The following ZDHHC14 variants were observed in gnomAD, a reference collection of about 807,000 sequenced individuals.
ZDHHC14 encodes palmitoyltransferase ZDHHC14.
ZDHHC14 carries 16 observed loss-of-function variants against 47.7 expected under a neutral mutation model. The ratio of observed to expected loss-of-function variants is 0.34; its 90% CI spans 0.23 to 0.51. The LOEUF (loss-of-function observed/expected upper bound fraction) is 0.51. Ranked by LOEUF, ZDHHC14 falls within the 20% of genes least tolerant of loss-of-function variation. The probability of loss-of-function intolerance (pLI) is 0.97; values close to 1 mark genes in which losing one functional copy is unlikely to be tolerated. For missense variants in ZDHHC14, 515 were observed against 662.5 expected, an observed-to-expected ratio of 0.78 and a Z score of 2.44; for synonymous variants, 293 against 278.9, an observed-to-expected ratio of 1.05 and a Z score of -0.50.
intron 1 of ZDHHC14, among the ~76,000 whole-genome samples, chr6:157,476,083 G>A (rs1276577647): frequency 2.0e-5 from 3 of 151,992 alleles, no homozygotes; most frequent in African/African-American, 7.2e-5. Context: ...AAAGTTAATA[G>A]AAGGAAAGAA....
chr6:157,394,929 G>A (rs1183385799), intron 1 of ZDHHC14, among the ~76,000 whole-genome samples: 2 of 151,800 alleles, frequency 1.3e-5, no homozygotes, highest in African/African-American at 4.8e-5. Flanking sequence ...TTCAGAGTCA[G>A]CTCTTCCCAC....
intron 1 of ZDHHC14, among the ~76,000 whole-genome samples, chr6:157,448,329 A>G (rs545037053): frequency 5.3e-5 from 8 of 152,120 alleles, no homozygotes; most frequent in Non-Finnish European, 7.3e-5. Context: ...TTTCCTGTCT[A>G]GAGTGTGTGT....
intron 2 of ZDHHC14, among the ~76,000 whole-genome samples, chr6:157,557,345 G>T (rs1340806103): frequency 6.6e-6 from 1 of 152,170 alleles, no homozygotes; most frequent in Non-Finnish European, 1.5e-5. Context: ...GCTCTGGGAG[G>T]GTTCTGCCAG....
intron 1 of ZDHHC14, among the ~76,000 whole-genome samples, chr6:157,432,570 G>A (rs569193098): frequency 9.8e-5 from 15 of 152,320 alleles, no homozygotes; most frequent in African/African-American, 3.6e-4. Context: ...TTGCCTGGTA[G>A]CCTTCCAATA....
intron 1 of ZDHHC14, among the ~76,000 whole-genome samples, chr6:157,489,701 G>A (rs1212929893): frequency 1.3e-5 from 2 of 152,220 alleles, no homozygotes; most frequent in Non-Finnish European, 2.9e-5. Flanking sequence ...ACCGCAATGC[G>A]TGGCCTCTTA....
At chr6:157,454,498 CTTTTT>C (rs5881212) in intron 1 of ZDHHC14, among the ~76,000 whole-genome samples, 3 of 127,668 alleles carry the variant, frequency 2.3e-5, no homozygotes, top group Admixed American at 8.1e-5. Flanking sequence ...GCAGCTTCTT[CTTTTT>C]TTTTTTTTTT....
chr6:157,589,654 C>A (rs150602091), intron 2 of ZDHHC14, among the ~76,000 whole-genome samples: 1,644 of 152,250 alleles, frequency 0.011, 29 homozygotes, highest in African/African-American at 0.036. Flanking sequence ...GCCTCCCCAG[C>A]CCTTCAGAAC....
At chr6:157,588,038 TG>T in intron 2 of ZDHHC14, among the ~76,000 whole-genome samples, 1 of 152,278 alleles carries the variant, frequency 6.6e-6, no homozygotes, top group South Asian at 2.1e-4. Context: ...GCGGGCCACC[TG>T]AGGTCAGGAG....
chr6:157,606,683 A>G (rs1248461007), intron 3 of ZDHHC14, among the ~76,000 whole-genome samples: 1 of 152,140 alleles, frequency 6.6e-6, no homozygotes, highest in Non-Finnish European at 1.5e-5. Flanking sequence ...CCTGGTGCAG[A>G]AGTGCAGCTT....
intron 7 of ZDHHC14, among the ~76,000 whole-genome samples, chr6:157,650,023 C>T (rs1322245279): frequency 6.0e-5 from 9 of 148,808 alleles, no homozygotes; most frequent in African/African-American, 7.5e-5. Context: ...CTGTGCCAGG[C>T]GCTGGGGGTG....
intron 3 of ZDHHC14, among the ~76,000 whole-genome samples, chr6:157,593,863 G>A (rs918999341): frequency 6.6e-6 from 1 of 152,232 alleles, no homozygotes; most frequent in Non-Finnish European, 1.5e-5. Flanking sequence ...TCTCTCTGTG[G>A]CTGGAGCTGC....
chr6:157,479,224 A>G (rs937446527), intron 1 of ZDHHC14, among the ~76,000 whole-genome samples: 1 of 152,266 alleles, frequency 6.6e-6, no homozygotes, highest in African/African-American at 2.4e-5. Flanking sequence ...AAATGGGGAT[A>G]TAGTACTTAC....
intron 1 of ZDHHC14, among the ~76,000 whole-genome samples, chr6:157,413,723 G>A (rs1263655810): frequency 6.6e-6 from 1 of 151,756 alleles, no homozygotes; most frequent in Non-Finnish European, 1.5e-5. Flanking sequence ...TCTCCATGGA[G>A]CCTCAAAACT....
At chr6:157,605,417 T>C (rs1489984389) in intron 3 of ZDHHC14, among the ~76,000 whole-genome samples, 1 of 152,242 alleles carries the variant, frequency 6.6e-6, no homozygotes, top group Non-Finnish European at 1.5e-5. Context: ...CTAAGAGAGC[T>C]CTTCCATTTT....
intron 2 of ZDHHC14, among the ~76,000 whole-genome samples, chr6:157,570,828 T>TAC (rs1246026026): frequency 2.0e-5 from 3 of 151,806 alleles, no homozygotes; most frequent in South Asian, 2.1e-4. Context: ...TATATATATA[T>TAC]ATACACACAC....
rs540638158 is a variant in ZDHHC14 at position 157,412,411 on chromosome 6, G to C, written c.245+30145G>C. Among the ~76,000 whole-genome samples the C allele has an allele frequency of 9.9e-5, 15 of 152,164 alleles. No homozygotes were observed. The South Asian group carries it at 1.2e-3, about 13-fold the overall frequency. ...AGGTTCAAGTGGTTCTCCTGCCTCA[G>C]CCTCCCAACTAGCTGGGACTACAGG... On this transcript the variant is annotated intron_variant, in intron 1 of 8. Transcript: ENST00000359775.
intron 2 of ZDHHC14, among the ~76,000 whole-genome samples, chr6:157,548,212 C>G: frequency 6.6e-6 from 1 of 152,122 alleles, no homozygotes; most frequent in East Asian, 1.9e-4. Context: ...GAACATTTCC[C>G]CCAATTCATA....
chr6:157,567,538 G>A lies in ZDHHC14; in HGVS notation c.406+24793G>A, dbSNP rs149296896. 3.5e-3 allele frequency among the ~76,000 whole-genome samples: 537 copies of A among 152,228 alleles called. 21 individuals are homozygous for A. The East Asian group carries it at 0.082, about 23-fold the overall frequency. On this transcript the variant is annotated intron_variant, in intron 2 of 8. Transcript: ENST00000359775. ...TTGGTACATAAAAGTTGAACCCGCC[G>A]GGCGCCGTGGCTTTTGCCTGTAATC...
At chr6:157,607,679 G>A (rs1430894919) in intron 3 of ZDHHC14, among the ~76,000 whole-genome samples, 1 of 152,172 alleles carries the variant, frequency 6.6e-6, no homozygotes, top group Non-Finnish European at 1.5e-5. Context: ...CTTCATGGCT[G>A]TTTAAACGTT....
Sources: gnomAD v4.1 joint callset for allele counts (sites outside exome capture counted in the v4.1 genomes callset) on GRCh38, gnomAD v4.1.1 for gene constraint, MANE v1.5 for transcripts, NCBI Gene and HGNC (gene_info 2026-07-23, HGNC 2026-07-21) for gene names.